Variants in RBFOX1 observed in about 807,000 individuals in gnomAD.
RBFOX1 encodes RNA binding protein fox-1 homolog 1.
A neutral mutation model predicts 57.7 loss-of-function variants in RBFOX1; 8 were observed. The ratio of observed to expected loss-of-function variants is 0.14; its 90% CI spans 0.08 to 0.25. The LOEUF is 0.25. Among genes scored for constraint, RBFOX1 ranks in the 10% least tolerant of loss-of-function variants. RBFOX1 has a pLI of 1.00. For synonymous variants in RBFOX1, 326 were observed against 222.4 expected (o/e 1.47, Z -4.15); for missense variants, 611 against 548.5 (o/e 1.11, Z -1.14).
chr16:7,444,269 A>G (rs1378217136), intron 4 of RBFOX1, among the ~76,000 whole-genome samples: 2 of 152,220 alleles, frequency 1.3e-5, no homozygotes, highest in South Asian at 2.1e-4. Flanking sequence ...TGGGTCATCC[A>G]GAAAACGTGG....
intron 3 of RBFOX1, among the ~76,000 whole-genome samples, chr16:5,745,814 G>C (rs1472357473): frequency 6.6e-6 from 1 of 152,112 alleles, no homozygotes; most frequent in Non-Finnish European, 1.5e-5. Context: ...ATTTGTTTGA[G>C]TTCATTGTAG....
intron 3 of RBFOX1, among the ~76,000 whole-genome samples, chr16:6,852,397 G>A (rs144753074): frequency 1.3e-4 from 20 of 152,314 alleles, no homozygotes; most frequent in African/African-American, 4.8e-4. Context: ...CATCAGCAAG[G>A]AAACTATTTC....
intron 1 of RBFOX1, among the ~76,000 whole-genome samples, chr16:5,402,854 GAT>G (rs768540627): frequency 1.3e-5 from 2 of 152,026 alleles, no homozygotes; most frequent in Non-Finnish European, 2.9e-5. Context: ...ATCCAATATA[GAT>G]ATATTAAGTG....
intron 4 of RBFOX1, among the ~76,000 whole-genome samples, chr16:7,414,170 A>G (rs1448026676): frequency 6.6e-6 from 1 of 152,254 alleles, no homozygotes; most frequent in East Asian, 1.9e-4. Context: ...TTATCCAACA[A>G]GTGTTTCACA....
At chr16:6,699,399 T>C (rs1162352212) in intron 3 of RBFOX1, among the ~76,000 whole-genome samples, 2 of 152,060 alleles carry the variant, frequency 1.3e-5, no homozygotes, top group African/African-American at 4.8e-5. Context: ...AAAAGTGGTG[T>C]CTTTCAGAGT....
At chr16:6,479,508 A>G (rs1240006427) in intron 2 of RBFOX1, among the ~76,000 whole-genome samples, 1 of 151,992 alleles carries the variant, frequency 6.6e-6, no homozygotes, top group African/African-American at 2.4e-5. Flanking sequence ...AAATCACTTG[A>G]ATCTGGGAAG....
At chr16:6,825,731 G>A (rs2092035527) in intron 3 of RBFOX1, among the ~76,000 whole-genome samples, 1 of 152,140 alleles carries the variant, frequency 6.6e-6, no homozygotes, top group African/African-American at 2.4e-5. Flanking sequence ...GGGAGGCAGG[G>A]CAGTCGATGC....
At chr16:5,281,317 T>G (rs930934545) in intron 1 of RBFOX1, among the ~76,000 whole-genome samples, 1 of 152,234 alleles carries the variant, frequency 6.6e-6, no homozygotes, top group Non-Finnish European at 1.5e-5. Flanking sequence ...TTTTTAAAAT[T>G]TTGTTGAGCC....
In RBFOX1 at chr16:7,021,592, AATATT is replaced by A. The variant is rs1009319640; in HGVS notation, c.-15-30464_-15-30460del. ...TATTTTATAAAATATATAAAAGTAA[AATATT>A]TTATTTTTTATAAAATATAATATTT... On this transcript the variant is annotated intron_variant, in intron 3 of 15. Coordinates refer to ENST00000550418, the MANE Select transcript of RBFOX1 (RefSeq NM_018723.4). Among the ~76,000 whole-genome samples the A allele has an allele frequency of 3.5e-3, 516 of 145,668 alleles. 5 individuals carry two copies. Among genetic ancestry groups the A allele is most frequent in the African/African-American group, 0.012 (491 of 40,186 alleles).
intron 1 of RBFOX1, among the ~76,000 whole-genome samples, chr16:6,057,633 A>G (rs1039584046): frequency 2.0e-5 from 3 of 152,126 alleles, no homozygotes. Context: ...TTAAGGATGT[A>G]TATTGTTTCT....
chr16:7,462,482 C>A (rs1455938868), intron 4 of RBFOX1, among the ~76,000 whole-genome samples: 1 of 152,226 alleles, frequency 6.6e-6, no homozygotes, highest in South Asian at 2.1e-4. Context: ...CACAGCAAAA[C>A]TCTGTTTCAA....
intron 4 of RBFOX1, among the ~76,000 whole-genome samples, chr16:7,460,023 A>G (rs868037424): frequency 6.6e-6 from 1 of 152,182 alleles, no homozygotes; most frequent in African/African-American, 2.4e-5. Context: ...TGATTTCACA[A>G]GAATGTTAGC....
At chr16:5,921,806 G>T (rs146558445) in intron 4 of RBFOX1, among the ~76,000 whole-genome samples, 1 of 151,960 alleles carries the variant, frequency 6.6e-6, no homozygotes, top group Admixed American at 6.6e-5. Flanking sequence ...ATGACATGGC[G>T]TGAGAGGGAG....
chr16:5,422,336 C>T (rs1482736086), intron 1 of RBFOX1, among the ~76,000 whole-genome samples: 3 of 106,864 alleles, frequency 2.8e-5, no homozygotes, highest in Non-Finnish European at 5.5e-5. Context: ...AAGAGGAGAA[C>T]GTGGAGGAGG....
At chr16:5,422,269 G>A (rs1042077929) in intron 1 of RBFOX1, among the ~76,000 whole-genome samples, 1 of 143,114 alleles carries the variant, frequency 7.0e-6, no homozygotes, top group Non-Finnish European at 1.5e-5. Flanking sequence ...GAGGAGCAGG[G>A]AGAGGGAGAT....
intron 11 of RBFOX1, among the ~76,000 whole-genome samples, chr16:7,651,707 GT>G (rs2144628561): frequency 6.6e-6 from 1 of 152,310 alleles, no homozygotes; most frequent in East Asian, 1.9e-4. Context: ...CCCTTGAGAG[GT>G]TTGCTCTTCT....
intron 2 of RBFOX1, among the ~76,000 whole-genome samples, chr16:5,583,993 C>G (rs950729028): frequency 1.3e-5 from 2 of 152,290 alleles, no homozygotes; most frequent in African/African-American, 2.4e-5. Flanking sequence ...CCTGGTTCCA[C>G]CGAGTCTGGG....
At chr16:6,602,310 G>C (rs951316058) in intron 2 of RBFOX1, among the ~76,000 whole-genome samples, 1 of 152,084 alleles carries the variant, frequency 6.6e-6, no homozygotes, top group Non-Finnish European at 1.5e-5. Flanking sequence ...ATTTGCTAAA[G>C]TTTTTAATTC....
intron 4 of RBFOX1, among the ~76,000 whole-genome samples, chr16:7,281,784 G>T (rs1008032135): frequency 6.6e-6 from 1 of 152,128 alleles, no homozygotes; most frequent in Non-Finnish European, 1.5e-5. Flanking sequence ...AGACAATCTT[G>T]ACTTCCTCTC....
Sources: allele counts gnomAD v4.1 joint callset (sites outside exome capture counted in the v4.1 genomes callset), GRCh38; gene constraint gnomAD v4.1.1; transcripts MANE v1.5; gene names NCBI Gene and HGNC (gene_info 2026-07-23, HGNC 2026-07-21).